OTUD7B: variants seen among roughly 807,000 people sequenced by gnomAD.
The protein encoded by OTUD7B is OTU deubiquitinase 7B.
OTUD7B carries 34 observed loss-of-function variants against 82.2 expected under a neutral mutation model. The observed-to-expected ratio is 0.41, with a 90% confidence interval of 0.31 to 0.55. The LOEUF is 0.55. Among genes scored for constraint, OTUD7B ranks in the 20% least tolerant of loss-of-function variants. The pLI is 0.20. For missense variants in OTUD7B, 944 were observed against 1,062.1 expected (o/e 0.89, Z 1.55); for synonymous variants, 398 against 402.7 (o/e 0.99, Z 0.14).
chr1:149,990,393 T>C (rs1276955743), intron 1 of OTUD7B, among the ~76,000 whole-genome samples: 1 of 152,212 alleles, frequency 6.6e-6, no homozygotes, highest in African/African-American at 2.4e-5. Context: ...CTAGCAAATA[T>C]TTGTGGTTCT....
the OTUD7B span, among the ~76,000 whole-genome samples, chr1:150,049,633 CTTTTTTTT>C: frequency 2.3e-5 from 3 of 132,334 alleles, no homozygotes; most frequent in East Asian, 6.4e-4. Context: ...CTCTCTCTTT[CTTTTTTTT>C]TTTTTTTTTT....
chr1:149,954,965 C>A (rs1309616113), intron 7 of OTUD7B, among the ~76,000 whole-genome samples: 2 of 152,034 alleles, frequency 1.3e-5, no homozygotes, highest in African/African-American at 4.8e-5. Context: ...AGCGGTCTAT[C>A]AAATTTTGTT....
the OTUD7B span, among the ~76,000 whole-genome samples, chr1:150,064,052 T>C: frequency 6.6e-6 from 1 of 152,174 alleles, no homozygotes; most frequent in East Asian, 1.9e-4. Flanking sequence ...ATTGATTCTA[T>C]GTTTAAATTT....
intron 1 of OTUD7B, among the ~76,000 whole-genome samples, chr1:149,996,675 G>A (rs1651945800): frequency 6.6e-6 from 1 of 152,162 alleles, no homozygotes; most frequent in African/African-American, 2.4e-5. Context: ...AATCTGTAAG[G>A]TTGCATAACA....
chr1:149,985,872 G>A (rs1553780649), intron 1 of OTUD7B, among the ~76,000 whole-genome samples: 1 of 152,014 alleles, frequency 6.6e-6, no homozygotes, highest in Non-Finnish European at 1.5e-5. Flanking sequence ...TGTACTATGT[G>A]CTTCAAATCT....
intron 3 of OTUD7B, among the ~76,000 whole-genome samples, chr1:149,968,989 T>C (rs1649715377): frequency 1.3e-5 from 2 of 152,098 alleles, no homozygotes; most frequent in African/African-American, 4.8e-5. Flanking sequence ...AGTGCTGGGA[T>C]TACAGGCGTG....
chr1:149,967,495 G>A lies in OTUD7B; in HGVS notation c.301C>T (p.His101Tyr), dbSNP rs782204651. The A allele has an allele frequency of 2.5e-6, 4 of 1,611,956 alleles. No individual in the cohort carries two copies. Among genetic ancestry groups the A allele is most frequent in the Admixed American group, 3.3e-5 (2 of 59,842 alleles). ...QEKRLSRGIS[H>Y]ASSSIVSLAR... ...AGGGAAACAATGCTGGAGCTGGCGTGGGAGATGCCCCTAGACAGGCGTTTT... is the reference window on the plus strand; with the variant it reads ...AGGGAAACAATGCTGGAGCTGGCGTAGGAGATGCCCCTAGACAGGCGTTTT... Residue 101 changes from histidine to tyrosine, a missense_variant, in exon 4 of 12, where the codon CAC (histidine) becomes TAC (tyrosine). This residue lies in a region of OTUD7B where 530 missense variants were observed against 625.6 expected (regional missense o/e 0.85). Coordinates refer to ENST00000581312, the MANE Select transcript of OTUD7B (RefSeq NM_020205.4).
In OTUD7B at chr1:149,959,794, T is replaced by C; in HGVS notation, c.735A>G (p.Ser245=). The change falls in exon 7 of 12, where the codon TCA becomes TCG. Residue 245 remains serine (S), a splice_region_variant and synonymous_variant. Transcript: ENST00000581312. The part of the protein sequence containing the change: ...RWQQTQQNKE[S]GLVYTEDEWQ... ...ATTCATCTTCTGTGTATACCAGCCCTGACTGTGTGAAGGACAGGCAGGGGA... is the reference window on the plus strand; with the variant it reads ...ATTCATCTTCTGTGTATACCAGCCCCGACTGTGTGAAGGACAGGCAGGGGA... The C allele has an allele frequency of 6.2e-7, 1 of 1,608,086 alleles. No individual in the cohort carries two copies. Among genetic ancestry groups the C allele is most frequent in the Non-Finnish European group, 8.5e-7 (1 of 1,174,498 alleles).
chr1:149,980,881 T>C lies in OTUD7B; in HGVS notation c.-66-3305A>G, dbSNP rs150410466. On this transcript the variant is annotated intron_variant, in intron 1 of 11. Transcript: ENST00000581312. ...TTTTTAAACTAATTAAGCATGGTCG[T>C]GTGTGCCTGTAGTCCCAGCCACGTG... 6.2e-3 allele frequency among the ~76,000 whole-genome samples: 933 copies of C among 151,404 alleles called. 19 individuals carry two copies. Among genetic ancestry groups the C allele is most frequent in the East Asian group, 0.058 (301 of 5,150 alleles).
At chr1:150,057,293 T>G in the OTUD7B span, among the ~76,000 whole-genome samples, 96 of 152,342 alleles carry the variant, frequency 6.3e-4, no homozygotes, top group Middle Eastern at 3.4e-3. Context: ...TATGGTTATG[T>G]AAGAAGTTAA....
the OTUD7B span, among the ~76,000 whole-genome samples, chr1:150,028,336 T>C: frequency 6.6e-6 from 1 of 152,184 alleles, no homozygotes; most frequent in Admixed American, 6.5e-5. Context: ...CAAGAGAACC[T>C]GGGCAAAGCC....
the OTUD7B span, among the ~76,000 whole-genome samples, chr1:150,027,982 A>G: frequency 6.6e-6 from 1 of 152,236 alleles, no homozygotes; most frequent in Non-Finnish European, 1.5e-5. Context: ...CCAAAATAAC[A>G]TATCACTATC....
At position 150,010,724 on chromosome 1, in the gene OTUD7B, G is replaced by C. The variant is rs868946520; in HGVS notation, c.-343C>G. 4 of 152,698 alleles carry C rather than the reference G, an allele frequency of 2.6e-5. No homozygotes were observed. Among genetic ancestry groups the C allele is most frequent in the South Asian group, 2.1e-4 (1 of 4,824 alleles). The allele number at this position is 152,698 out of a possible 1,614,324, so 9.5% of individuals were successfully genotyped here. A position where few individuals can be genotyped will look rare whatever the true frequency, so the allele number is the denominator to read the frequency against. The stretch of plus-strand genomic sequence containing the variant: ...CGGCTCCGGCGGCTGGTTCAGGATC[G>C]GTGGCTTTCTGCTGTCCGGCCGGAA... On this transcript the variant is annotated 5_prime_UTR_variant, in exon 1 of 12. Coordinates refer to ENST00000581312, the MANE Select transcript of OTUD7B (RefSeq NM_020205.4).
chr1:149,956,382 CAG>C (rs1305701444), intron 7 of OTUD7B, among the ~76,000 whole-genome samples: 1 of 152,190 alleles, frequency 6.6e-6, no homozygotes, highest in African/African-American at 2.4e-5. Context: ...TTCTGGCTTG[CAG>C]AGTTTCTGCC....
the OTUD7B span, among the ~76,000 whole-genome samples, chr1:150,031,097 A>G: frequency 6.6e-6 from 1 of 151,906 alleles, no homozygotes; most frequent in African/African-American, 2.4e-5. Flanking sequence ...TTTTATTTTT[A>G]TCCCCTTATC....
upstream of OTUD7B, among the ~76,000 whole-genome samples, chr1:150,013,947 T>TATATACACAC (rs782181773): frequency 5.7e-5 from 6 of 104,388 alleles, no homozygotes; most frequent in South Asian, 1.6e-3. Context: ...AATATATATA[T>TATATACACAC]ACACACACAC....
the OTUD7B span, among the ~76,000 whole-genome samples, chr1:150,045,094 A>ATT: frequency 8.9e-5 from 13 of 146,552 alleles, no homozygotes; most frequent in South Asian, 4.3e-4. Context: ...CTTAAACTAA[A>ATT]TTTTTTTTTT....
the OTUD7B span, among the ~76,000 whole-genome samples, chr1:150,051,641 G>A: frequency 1.3e-5 from 2 of 151,992 alleles, no homozygotes; most frequent in Non-Finnish European, 2.9e-5. Context: ...CAGTTTATCT[G>A]GAATATAAAA....
intron 4 of OTUD7B, among the ~76,000 whole-genome samples, chr1:149,966,292 C>T (rs1414721753): frequency 6.6e-6 from 1 of 152,098 alleles, no homozygotes; most frequent in African/African-American, 2.4e-5. Flanking sequence ...AATGACGAGG[C>T]CAAGGACATA....
Sources: allele counts gnomAD v4.1 joint callset (sites outside exome capture counted in the v4.1 genomes callset), GRCh38; gene constraint gnomAD v4.1.1; regional missense constraint gnomAD v4.1.1; transcripts MANE v1.5; gene names NCBI Gene and HGNC (gene_info 2026-07-23, HGNC 2026-07-21).